Variants in PREPL observed in about 807,000 individuals in gnomAD.
PREPL encodes the protein prolyl endopeptidase like.
In PREPL, 77 loss-of-function variants were observed where a neutral mutation model predicts 70.6. That is an observed-to-expected ratio of 1.09 (90% confidence interval 0.91 to 1.32). The LOEUF is 1.32. Among genes scored for constraint, PREPL ranks in the 40% most tolerant of loss-of-function variants. PREPL has a pLI of 0.00. For missense variants in PREPL, 1,002 were observed against 778.2 expected, an observed-to-expected ratio of 1.29 and a Z score of -3.42; for synonymous variants, 315 against 264.8, an observed-to-expected ratio of 1.19 and a Z score of -1.84.
intron 8 of PREPL, among the ~76,000 whole-genome samples, chr2:44,329,842 A>G (rs1048546726): frequency 2.6e-5 from 4 of 152,236 alleles, no homozygotes; most frequent in Non-Finnish European, 5.9e-5. Context: ...TGAACAGACA[A>G]AAGAACTAAT....
In PREPL at chr2:44,332,537, G is replaced by A. The variant is rs1674226591; in HGVS notation, c.1008C>T (p.Gly336=). The A allele has an allele frequency of 6.2e-7, 1 of 1,614,060 alleles. No homozygotes were observed. The highest frequency in any genetic ancestry group is 1.3e-5 in the African/African-American group (1 of 75,038). The change falls in exon 8 of 14, where the codon GGC becomes GGT. Residue 336 remains glycine (G), a synonymous_variant. Coordinates refer to ENST00000409411, the MANE Select transcript of PREPL (RefSeq NM_001171613.2). ...CATGCCCAGTTTCCTCAAACAGTTT[G>A]CCTTCTGCAAACTTGTATGTGTAAT... is the stretch of plus-strand genomic sequence containing the variant. ...PKYYTYKFAE[G]KLFEETGHED... is the part of the protein sequence containing the mutation.
At chr2:44,359,364 A>G (rs111442989) in intron 1 of PREPL, 1 of 741,568 alleles carries the variant, frequency 1.3e-6, no homozygotes, top group Non-Finnish European at 2.2e-6. Context: ...GAGACAATTG[A>G]GACTTGAAAA....
chr2:44,331,241 C>G (rs1422252200), intron 8 of PREPL, among the ~76,000 whole-genome samples: 2 of 152,090 alleles, frequency 1.3e-5, no homozygotes, highest in Non-Finnish European at 2.9e-5. Flanking sequence ...CTGTGCCTAG[C>G]CCTACACTTC....
At chr2:44,343,568 T>C (rs1675454520) in intron 4 of PREPL, among the ~76,000 whole-genome samples, 177 bp downstream of exon 4, 1 of 152,180 alleles carries the variant, frequency 6.6e-6, no homozygotes, top group Non-Finnish European at 1.5e-5. Flanking sequence ...CCCATCTAGA[T>C]ATATAATTAA....
At chr2:44,346,518 G>T in intron 1 of PREPL, 128 bp from the exon 2 acceptor site, 1 of 816,168 alleles carries the variant, frequency 1.2e-6, no homozygotes, top group Non-Finnish European at 1.9e-6. Flanking sequence ...TAAATAGTAG[G>T]TATTTCACAG....
At chr2:44,338,215 T>C (rs974597095) in intron 7 of PREPL, 136 bp downstream of exon 7, 1 of 827,762 alleles carries the variant, frequency 1.2e-6, no homozygotes, top group East Asian at 2.7e-5. Context: ...AAGAGTGACT[T>C]TGCTAAATTC....
chr2:44,354,239 T>C (rs1157689859), intron 1 of PREPL, among the ~76,000 whole-genome samples: 1 of 152,118 alleles, frequency 6.6e-6, no homozygotes, highest in African/African-American at 2.4e-5. Context: ...TTTCTAGCAA[T>C]AAAATTTATG....
chr2:44,359,365 G>C, intron 1 of PREPL: 1 of 744,636 alleles, frequency 1.3e-6, no homozygotes, highest in Non-Finnish European at 2.2e-6. Flanking sequence ...AGACAATTGA[G>C]ACTTGAAAAT....
chr2:44,348,574 A>C (rs1329467065), intron 1 of PREPL, among the ~76,000 whole-genome samples: 1 of 152,182 alleles, frequency 6.6e-6, no homozygotes, highest in Non-Finnish European at 1.5e-5. Context: ...GTCATAGCCA[A>C]CACAGAGCCA....
At chr2:44,344,085 C>A in intron 3 of PREPL, 134 bp from the exon 4 acceptor site, 1 of 1,073,608 alleles carries the variant, frequency 9.3e-7, no homozygotes, top group Non-Finnish European at 1.3e-6. Context: ...ACAATGATGG[C>A]AGCTTAACTT....
intron 7 of PREPL, 27 bp from the exon 8 acceptor site, chr2:44,332,683 T>G (rs1404349605): frequency 1.3e-6 from 2 of 1,551,738 alleles, no homozygotes; most frequent in Admixed American, 3.7e-5. Flanking sequence ...GCTATTTTTA[T>G]TCTTTATTTA....
rs958647536 is a variant in PREPL, at chr2:44,354,700, G to A, written c.-49+6680C>T. On this transcript the variant is annotated intron_variant, in intron 1 of 13. Transcript: ENST00000409411. ...AGTGATTCTCCTTCCTCAGCGTCCC[G>A]AGTAGCTGGGATTACAGGCATGCGC... 3.3e-5 allele frequency among the ~76,000 whole-genome samples: 5 copies of A among 151,930 alleles called. No individual in the cohort carries two copies. The East Asian group carries it at 5.8e-4, about 18-fold the overall frequency.
At chr2:44,335,623 A>G (rs1674558173) in intron 7 of PREPL, among the ~76,000 whole-genome samples, 3 of 152,204 alleles carry the variant, frequency 2.0e-5, no homozygotes, top group African/African-American at 7.2e-5. Flanking sequence ...CCTAGGAAAT[A>G]TAATTCTACA....
chr2:44,335,520 G>A (rs1008371299), intron 7 of PREPL, among the ~76,000 whole-genome samples: 5 of 152,072 alleles, frequency 3.3e-5, no homozygotes, highest in Non-Finnish European at 5.9e-5. Flanking sequence ...ATTGAAAACT[G>A]GACCCCTTCC....
chr2:44,342,267 G>T, intron 5 of PREPL, 150 bp downstream of exon 5: 2 of 631,398 alleles, frequency 3.2e-6, no homozygotes, highest in Non-Finnish European at 5.0e-6. Flanking sequence ...CTCCAATTTT[G>T]AATACAAACA....
intron 8 of PREPL, among the ~76,000 whole-genome samples, chr2:44,329,700 C>T (rs998141736): frequency 6.6e-6 from 1 of 152,040 alleles, no homozygotes; most frequent in Non-Finnish European, 1.5e-5. Context: ...TAAAATTTTT[C>T]GGTAAAATTC....
rs1035647938 is a variant in PREPL, at chr2:44,321,236, A to G, written c.*120T>C. 16 of 898,804 alleles carry G rather than the reference A, an allele frequency of 1.8e-5. No homozygotes were observed. In the African/African-American group the frequency reaches 2.4e-4, roughly 13 times the overall value. The allele number at this position is 898,804 out of a possible 1,614,324, so 55.7% of individuals were successfully genotyped here. ...AAGCAAAATTTAGATGGAGAAGCAC[A>G]TTTTAAAAAATTAATAACTTAAAAG... is the stretch of plus-strand genomic sequence containing the variant. On this transcript the variant is annotated 3_prime_UTR_variant, in exon 14 of 14. Coordinates refer to ENST00000409411, the MANE Select transcript of PREPL (RefSeq NM_001171613.2).
At position 44,320,127 on chromosome 2, in the gene PREPL, C is replaced by A. The variant is rs966840324; in HGVS notation, c.*1229G>T. The A allele has an allele frequency of 3.3e-5, 44 of 1,353,636 alleles. No homozygotes were observed. The highest frequency in any genetic ancestry group is 4.3e-5 in the Non-Finnish European group (42 of 976,808). 83.9% of individuals were successfully genotyped at this position (1,353,636 alleles called of 1,614,324 possible). A position where few individuals can be genotyped will look rare whatever the true frequency, so the allele number is the denominator to read the frequency against. On this transcript the variant is annotated 3_prime_UTR_variant, in exon 14 of 14. Coordinates refer to ENST00000409411, the MANE Select transcript of PREPL (RefSeq NM_001171613.2). The stretch of plus-strand genomic sequence containing the variant: ...AGTGTTTTGGGTAAATAACTCCTTA[C>A]AATATATTAAAAATACTTACAAACA...
chr2:44,350,897 T>C (rs896998529), intron 1 of PREPL, among the ~76,000 whole-genome samples: 8 of 152,052 alleles, frequency 5.3e-5, no homozygotes, highest in Non-Finnish European at 1.0e-4. Context: ...TCATTCTCCT[T>C]GTTTTCCTCT....
Sources: allele counts gnomAD v4.1 joint callset (sites outside exome capture counted in the v4.1 genomes callset), GRCh38; gene constraint gnomAD v4.1.1; transcripts MANE v1.5; gene names NCBI Gene and HGNC (gene_info 2026-07-23, HGNC 2026-07-21).